Variants in AR observed in about 807,000 individuals in gnomAD.
AR encodes the protein androgen receptor.
In AR, 8 loss-of-function variants were observed where a neutral mutation model predicts 53.9. The observed-to-expected ratio is 0.15, with a 90% CI of 0.09 to 0.27. The LOEUF (loss-of-function observed/expected upper bound fraction) is 0.27. Among genes scored for constraint, AR ranks in the 10% least tolerant of loss-of-function variants. The pLI is 1.00. For missense variants in AR, 639 were observed against 742.5 expected (o/e 0.86, Z 1.62); for synonymous variants, 359 against 316.4 (o/e 1.13, Z -1.43).
At chrX:67,707,476 G>A (rs1164904378) in intron 3 of AR, among the ~76,000 whole-genome samples, 1 of 111,032 alleles carries the variant, frequency 9.0e-6, no homozygotes, top group Non-Finnish European at 1.9e-5. Flanking sequence ...GCCTCTTTTG[G>A]TTTTCCATTT....
At chrX:67,621,302 G>A (rs991837695) in intron 1 of AR, among the ~76,000 whole-genome samples, 1 of 110,663 alleles carries the variant, frequency 9.0e-6, no homozygotes, top group African/African-American at 3.3e-5. Context: ...AATTATTTGG[G>A]GATCTTTGAA....
At chrX:67,590,689 A>G (rs912975304) in intron 1 of AR, among the ~76,000 whole-genome samples, 1 of 112,143 alleles carries the variant, frequency 8.9e-6, no homozygotes, top group Non-Finnish European at 1.9e-5. Context: ...GATGGATCAG[A>G]TGACTTCTTA....
chrX:67,643,017 A>C (rs1287510940), intron 1 of AR, among the ~76,000 whole-genome samples: 1 of 111,910 alleles, frequency 8.9e-6, no homozygotes, highest in East Asian at 2.8e-4. Flanking sequence ...ATAGACTATG[A>C]GATTGGCTAA....
intron 1 of AR, among the ~76,000 whole-genome samples, chrX:67,620,254 T>C (rs2147395831): frequency 9.1e-6 from 1 of 110,189 alleles, no homozygotes; most frequent in South Asian, 3.8e-4. Context: ...GACTTTAAGA[T>C]AGGTTTTGGT....
At chrX:67,602,885 A>G (rs1308603493) in intron 1 of AR, among the ~76,000 whole-genome samples, 1 of 112,121 alleles carries the variant, frequency 8.9e-6, no homozygotes, top group African/African-American at 3.2e-5. Context: ...ATAAAAAACT[A>G]ATATATTTAC....
intron 2 of AR, among the ~76,000 whole-genome samples, chrX:67,684,144 T>C (rs1445866437): frequency 1.8e-5 from 2 of 111,739 alleles, no homozygotes; most frequent in African/African-American, 6.5e-5. Flanking sequence ...TGTGGGAGTG[T>C]ACCAGTTCTA....
intron 2 of AR, among the ~76,000 whole-genome samples, chrX:67,682,369 C>T (rs897077238): frequency 9.0e-6 from 1 of 111,489 alleles, no homozygotes; most frequent in Admixed American, 9.5e-5. Flanking sequence ...ACTTCAGCCA[C>T]GACCTCCCAG....
Position 67,728,312 on chromosome X carries a change from T to C in AR, c.*4471T>C, listed in dbSNP as rs140656902. 6.2e-6 allele frequency: 1 copy of C among 161,449 alleles called. No homozygotes were observed. Among genetic ancestry groups the C allele is most frequent in the East Asian group, 8.9e-5 (1 of 11,238 alleles). The allele number at this position is 161,449 out of a possible 1,213,427, so 13.3% of individuals were successfully genotyped here. A position where few individuals can be genotyped will look rare whatever the true frequency, so the allele number is the denominator to read the frequency against. On this transcript the variant is annotated 3_prime_UTR_variant, in exon 8 of 8. Coordinates refer to ENST00000374690, the MANE Select transcript of AR (RefSeq NM_000044.6). ...TTTCTCTAGTAGTTGCTGAGCAAAT[T>C]GTTGAAGCTCCATCATTGCATGGTT...
intron 1 of AR, among the ~76,000 whole-genome samples, chrX:67,582,242 G>C (rs1922329687): frequency 9.0e-6 from 1 of 111,704 alleles, no homozygotes; most frequent in South Asian, 3.7e-4. Flanking sequence ...AGAAAGGTTT[G>C]ATATACTACT....
intron 2 of AR, chrX:67,680,854 G>A (rs1477140876): frequency 3.2e-6 from 1 of 313,531 alleles, no homozygotes; most frequent in Non-Finnish European, 6.2e-6. Context: ...AAACTTGAAA[G>A]CTGTCTCATG....
intron 1 of AR, among the ~76,000 whole-genome samples, chrX:67,586,261 T>TC (rs901454517): frequency 9.0e-6 from 1 of 111,356 alleles, no homozygotes; most frequent in Non-Finnish European, 1.9e-5. Flanking sequence ...TCTCCCTCCT[T>TC]CCCCCAAACA....
In AR at chrX:67,672,657, T is replaced by C. The variant is rs1251109288; in HGVS notation, c.1769-13353T>C. Among the ~76,000 whole-genome samples the C allele has an allele frequency of 4.5e-5, 5 of 111,269 alleles. No homozygotes were observed. The Admixed American group carries it at 4.8e-4, about 11-fold the overall frequency. On this transcript the variant is annotated intron_variant, in intron 2 of 7. Transcript: ENST00000374690. Reference sequence around the variant, plus strand: ...AAACTCTACATTTTAACTTCATCTCTCTGCTTGTTGTCACTTTGTCGTTTC... The same window carrying C: ...AAACTCTACATTTTAACTTCATCTCCCTGCTTGTTGTCACTTTGTCGTTTC...
intron 1 of AR, among the ~76,000 whole-genome samples, chrX:67,639,029 G>T (rs1925604145): frequency 8.9e-6 from 1 of 111,830 alleles, no homozygotes; most frequent in Non-Finnish European, 1.9e-5. Flanking sequence ...TCAGTTTTCT[G>T]CATATGGCTA....
intron 1 of AR, among the ~76,000 whole-genome samples, chrX:67,573,705 C>T (rs1190675269): frequency 9.0e-6 from 1 of 111,723 alleles, no homozygotes; most frequent in African/African-American, 3.3e-5. Context: ...TTGTCACTAC[C>T]TCATTGTATA....
intron 1 of AR, among the ~76,000 whole-genome samples, chrX:67,632,995 A>G (rs58862215): frequency 0.058 from 6,557 of 112,099 alleles, 479 homozygotes; most frequent in African/African-American, 0.2. Flanking sequence ...TGGCTATAGA[A>G]TAAAAGAACA....
chrX:67,705,520 G>A (rs2076062669), intron 3 of AR, among the ~76,000 whole-genome samples: 1 of 111,664 alleles, frequency 9.0e-6, no homozygotes, highest in Non-Finnish European at 1.9e-5. Context: ...TGCTGAAGTT[G>A]CTTATCAGCT....
rs144300149 is a variant in AR, at chrX:67,658,171, G to A, written c.1768+14764G>A. 8.1e-3 allele frequency among the ~76,000 whole-genome samples: 900 copies of A among 111,723 alleles called. 7 individuals carry two copies. The highest frequency in any genetic ancestry group is 0.028 in the African/African-American group (858 of 30,756). On this transcript the variant is annotated intron_variant, in intron 2 of 7. Coordinates refer to ENST00000374690, the MANE Select transcript of AR (RefSeq NM_000044.6). ...TCCATTAGCAAGACTGTGGAGGAAT[G>A]GAATCACCAATATTATATTTTATAG...
rs780070336 is a variant in AR at position 67,545,115 on chromosome X, G to A, written c.-32G>A. The stretch of plus-strand genomic sequence containing the variant: ...CAAGAGAAGGGGAGGCGGGGTAAGG[G>A]AAGTAGGTGGAAGATTCAGCCAAGC... On this transcript the variant is annotated 5_prime_UTR_variant, in exon 1 of 8. Transcript: ENST00000374690. 1 of 1,185,288 alleles carries A rather than the reference G, an allele frequency of 8.4e-7. No individual in the cohort carries two copies. Among genetic ancestry groups the A allele is most frequent in the Admixed American group, 2.4e-5 (1 of 41,023 alleles).
intron 7 of AR, among the ~76,000 whole-genome samples, chrX:67,723,358 G>GTC (rs1223492094): frequency 4.0e-5 from 4 of 99,695 alleles, no homozygotes; most frequent in Admixed American, 2.1e-4. Flanking sequence ...GTGTGTCAGA[G>GTC]AGAGAGAGAG....
Sources: allele counts gnomAD v4.1 joint callset (sites outside exome capture counted in the v4.1 genomes callset), GRCh38; gene constraint gnomAD v4.1.1; transcripts MANE v1.5; gene names NCBI Gene and HGNC (gene_info 2026-07-23, HGNC 2026-07-21).